Variants in OVOL2 observed in about 807,000 individuals in gnomAD.
OVOL2 encodes ovo like zinc finger 2, also known as transcription factor Ovo-like 2.
A neutral mutation model predicts 18.1 loss-of-function variants in OVOL2; 13 were observed. The ratio of observed to expected loss-of-function variants is 0.72; its 90% CI spans 0.47 to 1.14. The LOEUF is 1.14. Ranked by LOEUF, OVOL2 falls within the 50% of genes most tolerant of loss-of-function variation. The pLI is 0.00. For synonymous variants in OVOL2, 166 were observed against 162.7 expected (o/e 1.02, Z -0.16); for missense variants, 335 against 383.0 (o/e 0.87, Z 1.05).
At chr20:18,029,066 TC>T (rs2036544562) in intron 3 of OVOL2, among the ~76,000 whole-genome samples, 1 of 152,042 alleles carries the variant, frequency 6.6e-6, no homozygotes. Context: ...TCACTCTGTC[TC>T]CCAGGCTGCA....
intron 2 of OVOL2, among the ~76,000 whole-genome samples, chr20:18,043,903 A>G (rs1016755240): frequency 2.6e-5 from 4 of 152,150 alleles, no homozygotes; most frequent in African/African-American, 9.7e-5. Flanking sequence ...GATGGATCCC[A>G]TTGCTCTGCC....
Position 18,056,781 on chromosome 20 carries a change from C to T in OVOL2, c.197G>A (p.Gly66Glu). The change falls in exon 2 of 4, where the codon GGA becomes GAA. Residue 66 changes from glycine (G) to glutamate (E), a missense_variant. Transcript: ENST00000278780. This position sits in a 1 kb window ranked among gnomAD's most constrained non-coding sequence, Gnocchi z 4.2. The stretch of plus-strand genomic sequence containing the variant: ...CGGGGACGAGCTGCTCTCTGCTCCT[C>T]CAGGCTCCCCCGCGCTGCTGCTGCC... ...GSGSSSAGEP[G>E]GAESSSSPHA... 6.6e-7 allele frequency: 1 copy of T among 1,504,210 alleles called. No homozygotes were observed. The highest frequency in any genetic ancestry group is 8.8e-7 in the Non-Finnish European group (1 of 1,134,146). 93.2% of individuals were successfully genotyped at this position (1,504,210 alleles called of 1,614,324 possible). A position where few individuals can be genotyped will look rare whatever the true frequency, so the allele number is the denominator to read the frequency against.
At chr20:18,050,250 A>G (rs991590288) in intron 2 of OVOL2, among the ~76,000 whole-genome samples, 2 of 152,206 alleles carry the variant, frequency 1.3e-5, no homozygotes, top group East Asian at 1.9e-4. Flanking sequence ...CACCAGTTAC[A>G]TGCACTATCA....
chr20:18,036,387 T>C (rs899346534), intron 3 of OVOL2, among the ~76,000 whole-genome samples: 1 of 152,074 alleles, frequency 6.6e-6, no homozygotes, highest in East Asian at 1.9e-4. Context: ...ATACAACACA[T>C]CTCAATCTGG....
At chr20:18,024,999 C>A in intron 3 of OVOL2, 47 bp from the exon 4 acceptor site, 2 of 1,559,576 alleles carry the variant, frequency 1.3e-6, no homozygotes, top group Non-Finnish European at 1.7e-6. Context: ...CATGGCCAAG[C>A]CAGAACCACC....
At chr20:18,044,035 C>T (rs1391315634) in intron 2 of OVOL2, among the ~76,000 whole-genome samples, 2 of 152,144 alleles carry the variant, frequency 1.3e-5, no homozygotes, top group African/African-American at 4.8e-5. Flanking sequence ...AGCTCAGTTG[C>T]TCCCTTGCCG....
intron 2 of OVOL2, among the ~76,000 whole-genome samples, chr20:18,055,087 G>T (rs75452705): frequency 1.3e-5 from 2 of 151,800 alleles, no homozygotes; most frequent in Non-Finnish European, 2.9e-5. Context: ...TGTGCCTCCC[G>T]CCCCCCTTCC....
upstream of OVOL2, among the ~76,000 whole-genome samples, chr20:18,058,392 A>T (rs574669398): frequency 6.8e-6 from 1 of 148,074 alleles, no homozygotes; most frequent in East Asian, 2.0e-4. Context: ...TAAGCTTTCC[A>T]TCAGCTACAA....
chr20:18,045,028 A>T (rs1319087720), intron 2 of OVOL2, among the ~76,000 whole-genome samples: 1 of 152,202 alleles, frequency 6.6e-6, no homozygotes, highest in East Asian at 1.9e-4. Context: ...AAGGGGGAAC[A>T]TCACAGGGGC....
Position 18,053,128 on chromosome 20 carries a change from G to A in OVOL2, c.321+3529C>T, listed in dbSNP as rs558478421. Among the ~76,000 whole-genome samples, 4 of 152,246 alleles carry A rather than the reference G, an allele frequency of 2.6e-5. No individual in the cohort carries two copies. In the South Asian group the frequency reaches 8.3e-4, roughly 32 times the overall value. ...AGCCACATTTCCTAATCTGCACCTC[G>A]GACTCCTTTTCCAGATCCACCCATC... On this transcript the variant is annotated intron_variant, in intron 2 of 3. Coordinates refer to ENST00000278780, the MANE Select transcript of OVOL2 (RefSeq NM_021220.4).
chr20:18,026,589 G>A (rs1378715756), intron 3 of OVOL2, among the ~76,000 whole-genome samples: 1 of 152,098 alleles, frequency 6.6e-6, no homozygotes, highest in Non-Finnish European at 1.5e-5. Flanking sequence ...CACCATGTTA[G>A]CCAGAATGGT....
At chr20:18,030,714 A>T (rs1042683909) in intron 3 of OVOL2, among the ~76,000 whole-genome samples, 8 of 152,118 alleles carry the variant, frequency 5.3e-5, no homozygotes, top group Admixed American at 2.6e-4. Context: ...TTGGAAGAGG[A>T]GTGACTCGCA....
At chr20:18,043,486 A>G (rs1379351269) in intron 2 of OVOL2, among the ~76,000 whole-genome samples, 3 of 152,192 alleles carry the variant, frequency 2.0e-5, no homozygotes, top group Admixed American at 1.3e-4. Context: ...CAAAGGCCAC[A>G]TGGGGGAGCA....
chr20:18,048,456 G>A (rs2036743543), intron 2 of OVOL2, among the ~76,000 whole-genome samples: 1 of 152,136 alleles, frequency 6.6e-6, no homozygotes, highest in Non-Finnish European at 1.5e-5. Flanking sequence ...GCTGGGTATA[G>A]TGGCTCATGC....
At chr20:18,025,557 A>G (rs2036506084) in intron 3 of OVOL2, among the ~76,000 whole-genome samples, 1 of 152,160 alleles carries the variant, frequency 6.6e-6, no homozygotes, top group Admixed American at 6.5e-5. Flanking sequence ...CAACAGAGTG[A>G]GACTCCATTA....
intron 3 of OVOL2, among the ~76,000 whole-genome samples, chr20:18,033,276 G>A (rs1001950523): frequency 2.0e-5 from 3 of 152,170 alleles, no homozygotes; most frequent in African/African-American, 4.8e-5. Context: ...GGGTGGGGCC[G>A]GTGCCCCCTC....
upstream of OVOL2, among the ~76,000 whole-genome samples, chr20:18,058,391 C>T: frequency 6.7e-6 from 1 of 148,670 alleles, no homozygotes; most frequent in Non-Finnish European, 1.5e-5. Flanking sequence ...TTAAGCTTTC[C>T]ATCAGCTACA....
rs1159882975 is a variant in OVOL2 at position 18,041,630 on chromosome 20, TGAG to T, written c.412_414del (p.Leu138del). On this transcript the variant is annotated inframe_deletion, in exon 3 of 4. Coordinates refer to ENST00000278780, the MANE Select transcript of OVOL2 (RefSeq NM_021220.4). ...TGTCTTTTCACCTGGTTGTGGCACT[TGAG>T]GTGACGGTTCAGCATGCGCTGCAGA... 1.2e-6 allele frequency: 2 copies of T among 1,614,086 alleles called. No homozygotes were observed. The highest frequency in any genetic ancestry group is 1.7e-6 in the Non-Finnish European group (2 of 1,179,992).
At chr20:18,025,034 TG>T (rs373772460) in intron 3 of OVOL2, 82 bp from the exon 4 acceptor site, 369,853 of 1,474,732 alleles carry the variant, frequency 0.25, 48,879 homozygotes, top group Middle Eastern at 0.36. Flanking sequence ...GTAAAAGTCA[TG>T]CCATGACCAA....
Sources: gnomAD v4.1 joint callset for allele counts (sites outside exome capture counted in the v4.1 genomes callset) on GRCh38, gnomAD v4.1.1 for gene constraint, Gnocchi (gnomAD v3.1) non-coding constraint, MANE v1.5 for transcripts, NCBI Gene and HGNC (gene_info 2026-07-23, HGNC 2026-07-21) for gene names.